The following PHLDB2 variants were observed in gnomAD, a reference collection of about 807,000 sequenced individuals.
The protein encoded by PHLDB2 is pleckstrin homology-like domain family B member 2.
A neutral mutation model predicts 123.6 loss-of-function variants in PHLDB2; 71 were observed. The ratio of observed to expected loss-of-function variants is 0.57; its 90% CI spans 0.47 to 0.70. The LOEUF (loss-of-function observed/expected upper bound fraction) is 0.70, where lower values mean the gene tolerates loss of function less well. Ranked by LOEUF, PHLDB2 falls within the 30% of genes least tolerant of loss-of-function variation. The pLI is 0.00. For synonymous variants in PHLDB2, 547 were observed against 541.6 expected (o/e 1.01, Z -0.14); for missense variants, 1,446 against 1,519.5 (o/e 0.95, Z 0.80).
At position 111,831,016 on chromosome 3, in the gene PHLDB2, A is replaced by G. The variant is rs903444883; in HGVS notation, c.-48-14805A>G. On this transcript the variant is annotated intron_variant, in intron 1 of 17. Coordinates refer to the PHLDB2 transcript ENST00000393923. ...AAGAAAGAAAGAAAGAAAGAAAGAA[A>G]GAAAGAAAGAAAGAAAGGAAGGAAG... 1.9e-4 allele frequency among the ~76,000 whole-genome samples: 21 copies of G among 111,460 alleles called. 2 individuals are homozygous for G. Among genetic ancestry groups the G allele is most frequent in the Admixed American group, 9.0e-4 (10 of 11,136 alleles). 73.1% of individuals were successfully genotyped at this position (111,460 alleles called of 152,430 possible). A position where few individuals can be genotyped will look rare whatever the true frequency, so the allele number is the denominator to read the frequency against.
intron 2 of PHLDB2, among the ~76,000 whole-genome samples, chr3:111,892,383 C>CCACTA (rs771873917): frequency 2.0e-5 from 3 of 152,140 alleles, no homozygotes; most frequent in Non-Finnish European, 2.9e-5. Context: ...ATCTTGCTCA[C>CCACTA]CACTATAGAT....
Position 111,959,247 on chromosome 3 carries a change from G to A in PHLDB2, c.2873-2861G>A, listed in dbSNP as rs1220230045. On this transcript the variant is annotated intron_variant, in intron 12 of 17. Coordinates refer to ENST00000431670, the MANE Select transcript of PHLDB2 (RefSeq NM_001134438.2). ...GTTCAATTGCAGGATCACAGGAGAG[G>A]GGCCCATGCCCGTATTGATAATTGC... 3.3e-5 allele frequency among the ~76,000 whole-genome samples: 5 copies of A among 152,242 alleles called. No homozygotes were observed. In the East Asian group the frequency reaches 7.7e-4, roughly 23 times the overall value.
intron 1 of PHLDB2, among the ~76,000 whole-genome samples, chr3:111,783,892 T>C (rs6795947): frequency 0.22 from 32,694 of 152,048 alleles, 3,847 homozygotes; most frequent in African/African-American, 0.3. Context: ...AAGTTTGTTA[T>C]CTTTAAGAAC....
At chr3:111,948,040 A>C (rs892333715) in intron 9 of PHLDB2, among the ~76,000 whole-genome samples, 9 of 152,152 alleles carry the variant, frequency 5.9e-5, no homozygotes, top group Non-Finnish European at 1.2e-4. Flanking sequence ...ACTTTCCATG[A>C]AAATTGACAA....
Position 111,913,698 on chromosome 3 carries a change from C to A in PHLDB2, c.1715C>A (p.Pro572Gln). ...GAGTCCTCTTATCTAAGTATCCTAC[C>A]AAAGGTAATGTTGGCCCAGCAAAGA... ...SSESSYLSIL[P>Q]KTPEGISEEQ... Residue 572 changes from proline (P) to glutamine (Q), a missense_variant, in exon 3 of 18, where the codon CCA becomes CAA. Transcript: ENST00000431670. The A allele has an allele frequency of 6.2e-7, 1 of 1,610,586 alleles. No homozygotes were observed. The highest frequency in any genetic ancestry group is 8.5e-7 in the Non-Finnish European group (1 of 1,177,530).
At chr3:111,847,410 A>C (rs1038438807) in intron 2 of PHLDB2, among the ~76,000 whole-genome samples, 7 of 152,182 alleles carry the variant, frequency 4.6e-5, no homozygotes, top group African/African-American at 1.7e-4. Flanking sequence ...AAGACTAATA[A>C]AAGAACTTAA....
intron 1 of PHLDB2, among the ~76,000 whole-genome samples, chr3:111,789,343 T>C (rs2060817316): frequency 6.6e-6 from 1 of 152,210 alleles, no homozygotes; most frequent in Admixed American, 6.5e-5. Context: ...TAGTCATTTG[T>C]TCAACCAACA....
At chr3:111,860,006 C>A in intron 1 of PHLDB2, 2 of 609,822 alleles carry the variant, frequency 3.3e-6, no homozygotes, top group Non-Finnish European at 4.1e-6. Context: ...CCCCGTTGTG[C>A]ATGACTCTCG....
intron 1 of PHLDB2, among the ~76,000 whole-genome samples, chr3:111,794,980 A>G (rs748056723): frequency 1.3e-5 from 2 of 152,216 alleles, no homozygotes; most frequent in Non-Finnish European, 2.9e-5. Context: ...TGTTCACTCC[A>G]GGAGCATTGT....
At chr3:111,838,849 C>T (rs2063537417) in intron 1 of PHLDB2, among the ~76,000 whole-genome samples, 2 of 152,128 alleles carry the variant, frequency 1.3e-5, no homozygotes, top group Admixed American at 1.3e-4. Flanking sequence ...AGAACAGATA[C>T]ACTTCTAAAT....
At chr3:111,857,532 C>CA (rs1484579272), upstream of PHLDB2, among the ~76,000 whole-genome samples, 1 of 150,984 alleles carries the variant, frequency 6.6e-6, no homozygotes, top group South Asian at 2.1e-4. Flanking sequence ...GGGGATGATC[C>CA]AAAAAAGAGG....
At chr3:111,759,384 G>C (rs2059956144) in intron 1 of PHLDB2, among the ~76,000 whole-genome samples, 2 of 152,162 alleles carry the variant, frequency 1.3e-5, no homozygotes, top group Non-Finnish European at 2.9e-5. Context: ...TCCTATTCAT[G>C]AGAGTTTCAG....
chr3:111,759,298 TG>T, intron 1 of PHLDB2, among the ~76,000 whole-genome samples: 1 of 152,222 alleles, frequency 6.6e-6, no homozygotes, highest in Non-Finnish European at 1.5e-5. Context: ...GGTTCGTAGA[TG>T]GTGCCTTCTC....
At chr3:111,806,953 G>A (rs2108304524) in intron 1 of PHLDB2, among the ~76,000 whole-genome samples, 1 of 151,784 alleles carries the variant, frequency 6.6e-6, no homozygotes, top group Non-Finnish European at 1.5e-5. Flanking sequence ...GTTTTCTTAA[G>A]ATGAAGAAGT....
At chr3:111,911,374 A>G (rs970071431) in intron 2 of PHLDB2, among the ~76,000 whole-genome samples, 3 of 152,266 alleles carry the variant, frequency 2.0e-5, no homozygotes, top group African/African-American at 4.8e-5. Flanking sequence ...CGCCTCTAAT[A>G]TAGATGCTAT....
chr3:111,849,528 C>G (rs2064158904), intron 2 of PHLDB2, among the ~76,000 whole-genome samples: 1 of 152,178 alleles, frequency 6.6e-6, no homozygotes, highest in South Asian at 2.1e-4. Flanking sequence ...CCGTAGGAAT[C>G]AAGCTCTGGA....
chr3:111,966,448 A>T (rs2071761612), intron 13 of PHLDB2, among the ~76,000 whole-genome samples, 165 bp from the exon 14 acceptor site: 1 of 152,044 alleles, frequency 6.6e-6, no homozygotes, highest in African/African-American at 2.4e-5. Flanking sequence ...CTCGTAAGTA[A>T]CATTCTTTAA....
chr3:111,901,926 A>G (rs1004554908), intron 2 of PHLDB2, among the ~76,000 whole-genome samples: 1 of 152,218 alleles, frequency 6.6e-6, no homozygotes, highest in African/African-American at 2.4e-5. Context: ...TTTTCAGTCA[A>G]TAGGGAGAAA....
intron 1 of PHLDB2, among the ~76,000 whole-genome samples, chr3:111,844,908 C>G (rs143041612): frequency 6.6e-6 from 1 of 152,090 alleles, no homozygotes; most frequent in East Asian, 1.9e-4. Context: ...AAATGGGAGG[C>G]CTTACTTACA....
Sources: allele counts gnomAD v4.1 joint callset (sites outside exome capture counted in the v4.1 genomes callset), GRCh38; gene constraint gnomAD v4.1.1; transcripts MANE v1.5; gene names NCBI Gene and HGNC (gene_info 2026-07-23, HGNC 2026-07-21).